ADA2: variants seen among roughly 807,000 people sequenced by gnomAD.
The protein encoded by ADA2 is adenosine deaminase CECR1.
In ADA2, 29 loss-of-function variants were observed where a neutral mutation model predicts 44.2. The ratio of observed to expected loss-of-function variants is 0.66; its 90% confidence interval spans 0.49 to 0.89. The LOEUF is 0.89. Among genes scored for constraint, ADA2 ranks in the 40% least tolerant of loss-of-function variants. ADA2 has a pLI of 0.00. For missense variants in ADA2, 637 were observed against 644.8 expected (o/e 0.99, Z 0.13); for synonymous variants, 215 against 234.9 (o/e 0.92, Z 0.77).
rs1397143591 is a variant in ADA2 at position 17,195,783 on chromosome 22, C to T, written c.754-3973G>A. On this transcript the variant is annotated intron_variant, in intron 4 of 9. Transcript: ENST00000399837. ...TTCCTTTTTTTTTTTTTTTTTGAGA[C>T]GGAGTCTCGCTCTGTCACCCAGGCT... 5.8e-5 allele frequency among the ~76,000 whole-genome samples: 8 copies of T among 137,024 alleles called. No individual in the cohort carries two copies. The South Asian group carries it at 9.3e-4, about 16-fold the overall frequency. The allele number at this position is 137,024 out of a possible 152,430, so 89.9% of individuals were successfully genotyped here.
At chr22:17,184,260 G>A (rs1014164966) in intron 7 of ADA2, among the ~76,000 whole-genome samples, 8 of 151,348 alleles carry the variant, frequency 5.3e-5, no homozygotes, top group Non-Finnish European at 8.8e-5. Context: ...CACCACGCCC[G>A]GCCCCATCAC....
At chr22:17,192,829 GAAAA>G in intron 4 of ADA2, 4 of 304,288 alleles carry the variant, frequency 1.3e-5, no homozygotes, top group East Asian at 9.6e-5. Flanking sequence ...ACTCTGTCTC[GAAAA>G]AAAAAAAGGG....
intron 3 of ADA2, among the ~76,000 whole-genome samples, chr22:17,205,288 A>T (rs1601456862): frequency 6.6e-6 from 1 of 152,062 alleles, no homozygotes; most frequent in East Asian, 1.9e-4. Context: ...CCAAAGTGTT[A>T]GGATTACAAG....
At chr22:17,199,440 T>TTCCCCTCCCTCCCCACCTCTATCCTCA in intron 4 of ADA2, 3 of 1,027,936 alleles carry the variant, frequency 2.9e-6, no homozygotes, top group Non-Finnish European at 3.1e-6. Flanking sequence ...CTCTATCCTC[T>TTCCCCTCCCTCCCCACCTCTATCCTCA]TCCCCTCCAC....
intron 3 of ADA2, among the ~76,000 whole-genome samples, chr22:17,205,872 G>A (rs1481452169): frequency 1.4e-5 from 2 of 143,566 alleles, no homozygotes; most frequent in Non-Finnish European, 2.9e-5. Flanking sequence ...GCTGACACAG[G>A]AGGATTGCTT....
In ADA2 at chr22:17,181,823, A is replaced by G. The variant is rs1388757088; in HGVS notation, c.1439T>C (p.Ile480Thr). Residue 480 changes from isoleucine (I) to threonine (T), a missense_variant, in exon 9 of 10, where the codon ATC becomes ACC. Physicochemically the swap from Ile to Thr is moderately conservative, Grantham distance 89 (BLOSUM62 -1). Coordinates refer to ENST00000399837, the MANE Select transcript of ADA2 (RefSeq NM_001282225.2). ...RTLKQLAMNS[I>T]KYSTLLESEK... ...TGGGAGGACACAGGACACTCACTTG[A>G]TAGAGTTCATGGCCAGCTGTTTGAG... The G allele has an allele frequency of 2.5e-6, 4 of 1,612,872 alleles. No homozygotes were observed. Among genetic ancestry groups the G allele is most frequent in the Non-Finnish European group, 3.4e-6 (4 of 1,179,598 alleles).
chr22:17,199,738 A>G, intron 4 of ADA2: 2 of 1,487,586 alleles, frequency 1.3e-6, no homozygotes, highest in Non-Finnish European at 1.8e-6. Context: ...TACCTATTTG[A>G]CCTTCATCAA....
intron 4 of ADA2, among the ~76,000 whole-genome samples, chr22:17,203,126 A>C (rs1429338956): frequency 6.6e-6 from 1 of 152,130 alleles, no homozygotes; most frequent in Non-Finnish European, 1.5e-5. Flanking sequence ...TCAGCATGTT[A>C]CTGAAACTGC....
At chr22:17,201,708 C>T (rs982106046) in intron 4 of ADA2, among the ~76,000 whole-genome samples, 1 of 152,192 alleles carries the variant, frequency 6.6e-6, no homozygotes, top group African/African-American at 2.4e-5. Flanking sequence ...CTCCAATAAA[C>T]TCACTGAAAT....
intron 7 of ADA2, among the ~76,000 whole-genome samples, chr22:17,183,295 G>A (rs565514738): frequency 1.3e-5 from 2 of 152,118 alleles, no homozygotes; most frequent in Admixed American, 6.6e-5. Context: ...ATGTTGGCCA[G>A]GATGGTCTTG....
chr22:17,221,573 C>T (rs559181353), upstream of ADA2, among the ~76,000 whole-genome samples: 23 of 152,244 alleles, frequency 1.5e-4, no homozygotes, highest in Admixed American at 8.5e-4. Flanking sequence ...TTCACATCTC[C>T]GAAGGTGGCT....
Position 17,182,772 on chromosome 22 carries a change from G to C in ADA2, c.1082-11C>G. On this transcript the variant is annotated splice_polypyrimidine_tract_variant and intron_variant, in intron 7 of 9. Transcript: ENST00000399837. ...AAGTACCCTGCCAGTCTGAACACAC[G>C]GGAATGGTCTTCCATGGGGGATGGA... 2 of 1,612,702 alleles carry C rather than the reference G, an allele frequency of 1.2e-6. No individual in the cohort carries two copies. Among genetic ancestry groups the C allele is most frequent in the Non-Finnish European group, 1.7e-6 (2 of 1,179,872 alleles).
chr22:17,201,854 C>A (rs2062291044), intron 4 of ADA2, among the ~76,000 whole-genome samples: 1 of 152,102 alleles, frequency 6.6e-6, no homozygotes, highest in African/African-American at 2.4e-5. Context: ...AAATGCAAGA[C>A]CCAAAAATCA....
At position 17,203,656 on chromosome 22, in the gene ADA2, G is replaced by T. The variant is rs2231487; in HGVS notation, c.660C>A (p.Tyr220Ter). 2 of 1,613,896 alleles carry T rather than the reference G, an allele frequency of 1.2e-6. No homozygotes were observed. Among genetic ancestry groups the T allele is most frequent in the Non-Finnish European group, 1.7e-6 (2 of 1,179,766 alleles). The change falls in exon 4 of 10, where the codon TAC becomes TAA. Residue 220 changes from tyrosine (Y) to a stop codon, truncating the protein, a stop_gained. Coordinates refer to ENST00000399837, the MANE Select transcript of ADA2 (RefSeq NM_001282225.2). LOFTEE classifies it high-confidence loss of function. ...AGACATAGTCTCTGAACACTGGTGC[G>T]TAATGGATGAGACCAGAGATGGTGA... Reference protein sequence around the residue: ...IFFTISGLIHYAPVFRDYVFR... With the variant: ...IFFTISGLIH
chr22:17,202,709 A>G (rs2062304402), intron 4 of ADA2, among the ~76,000 whole-genome samples: 1 of 151,614 alleles, frequency 6.6e-6, no homozygotes, highest in Non-Finnish European at 1.5e-5. Context: ...AGAGCCTTTA[A>G]TCAGCCAAAC....
chr22:17,187,994 C>T (rs1468202570), intron 7 of ADA2, among the ~76,000 whole-genome samples: 8 of 151,388 alleles, frequency 5.3e-5, no homozygotes, highest in Admixed American at 1.3e-4. Flanking sequence ...GTACCAGCTA[C>T]TTGGAAGGCT....
At chr22:17,200,179 A>G (rs2062260544) in intron 4 of ADA2, among the ~76,000 whole-genome samples, 1 of 151,740 alleles carries the variant, frequency 6.6e-6, no homozygotes, top group Non-Finnish European at 1.5e-5. Flanking sequence ...TGGGCAACAC[A>G]GAATGTCTCA....
chr22:17,186,351 CG>C (rs1440744152), intron 7 of ADA2, among the ~76,000 whole-genome samples: 6 of 151,164 alleles, frequency 4.0e-5, no homozygotes, highest in Admixed American at 2.7e-4. Flanking sequence ...GAGGCCAAGG[CG>C]GGTGGATTGT....
intron 4 of ADA2, chr22:17,199,682 A>C: frequency 6.3e-7 from 1 of 1,592,388 alleles, no homozygotes; most frequent in Non-Finnish European, 8.5e-7. Context: ...GCGGTGAGGA[A>C]AGCGACGAAC....
Sources: gnomAD v4.1 joint callset for allele counts (sites outside exome capture counted in the v4.1 genomes callset) on GRCh38, gnomAD v4.1.1 for gene constraint, MANE v1.5 for transcripts, NCBI Gene and HGNC (gene_info 2026-07-23, HGNC 2026-07-21) for gene names.